ZCCHC14: variants seen among roughly 807,000 people sequenced by gnomAD.
ZCCHC14 encodes zinc finger CCHC-type containing 14, also known as zinc finger CCHC domain-containing protein 14.
A neutral mutation model predicts 85.0 loss-of-function variants in ZCCHC14; 16 were observed. That is an observed-to-expected ratio of 0.19 (90% CI 0.13 to 0.29). The LOEUF is 0.29. Among genes scored for constraint, ZCCHC14 ranks in the 10% least tolerant of loss-of-function variants. The pLI is 1.00. For missense variants in ZCCHC14, 1,303 were observed against 1,443.5 expected (o/e 0.90, Z 1.58); for synonymous variants, 775 against 630.7 (o/e 1.23, Z -3.43).
chr16:87,483,699 T>C (rs950227378), intron 1 of ZCCHC14, among the ~76,000 whole-genome samples: 1 of 152,116 alleles, frequency 6.6e-6, no homozygotes, highest in African/African-American at 2.4e-5. Context: ...GCTGGGCTCG[T>C]TAAAGGTTAG....
At chr16:87,481,966 G>A (rs1597454557) in intron 1 of ZCCHC14, among the ~76,000 whole-genome samples, 1 of 152,188 alleles carries the variant, frequency 6.6e-6, no homozygotes, top group Non-Finnish European at 1.5e-5. Context: ...AGGGGAAAGG[G>A]CGAGAGAGCC....
rs1336135556 is a variant in ZCCHC14 at position 87,491,582 on chromosome 16, G to A, written c.570+87C>T. The A allele has an allele frequency of 8.1e-7, 1 of 1,237,648 alleles. No homozygotes were observed. The highest frequency in any genetic ancestry group is 1.0e-6 in the Non-Finnish European group (1 of 963,644). 76.7% of individuals were successfully genotyped at this position (1,237,648 alleles called of 1,614,324 possible). ...AGTGCAGGCTGGAGGCGTGGGTCGGGGGGTCGCGGTGCAGGCTGGAGGCTT... is the reference window on the plus strand; with the variant it reads ...AGTGCAGGCTGGAGGCGTGGGTCGGAGGGTCGCGGTGCAGGCTGGAGGCTT... On this transcript the variant is annotated intron_variant, in intron 1 of 12. Coordinates refer to ENST00000671377, the MANE Select transcript of ZCCHC14 (RefSeq NM_015144.3). The surrounding 1 kb of genome is among the most constrained non-coding windows in gnomAD (Gnocchi z 5.9).
rs560758079 is a variant in ZCCHC14, at chr16:87,420,979, T to C, written c.841-263A>G. On this transcript the variant is annotated intron_variant, in intron 4 of 12. Coordinates refer to ENST00000671377, the MANE Select transcript of ZCCHC14 (RefSeq NM_015144.3). This position sits in a 1 kb window ranked among gnomAD's most constrained non-coding sequence, Gnocchi z 5.0. ...AATGTTCCTTGAGCCCATCTGAGAG[T>C]TGCTGGGCCACTAAGTCAACTTAAT... Among the ~76,000 whole-genome samples the C allele has an allele frequency of 2.0e-5, 3 of 152,266 alleles. No individual in the cohort carries two copies. Among genetic ancestry groups the C allele is most frequent in the Non-Finnish European group, 4.4e-5 (3 of 68,008 alleles).
chr16:87,406,825 G>T lies in ZCCHC14; in HGVS notation c.*3455C>A, dbSNP rs1457340037. 4 of 152,186 alleles carry T rather than the reference G, an allele frequency of 2.6e-5. No homozygotes were observed. Among genetic ancestry groups the T allele is most frequent in the African/African-American group, 9.7e-5 (4 of 41,424 alleles). 9.4% of individuals were successfully genotyped at this position (152,186 alleles called of 1,614,324 possible). A position where few individuals can be genotyped will look rare whatever the true frequency, so the allele number is the denominator to read the frequency against. On this transcript the variant is annotated 3_prime_UTR_variant, in exon 13 of 13. Transcript: ENST00000671377. ...ACAAATTCGCCTCTTCAGAACCCAT[G>T]GCTTTCAGTGCCACCTGACTCATTC...
chr16:87,458,964 T>C (rs1010147915), intron 2 of ZCCHC14, among the ~76,000 whole-genome samples: 2 of 152,114 alleles, frequency 1.3e-5, no homozygotes, highest in South Asian at 4.1e-4. Context: ...TTACCGGGTA[T>C]GCATTATCTG....
intron 1 of ZCCHC14, among the ~76,000 whole-genome samples, chr16:87,476,716 A>G (rs1912019465): frequency 8.5e-6 from 1 of 116,962 alleles, no homozygotes; most frequent in African/African-American, 3.3e-5. Flanking sequence ...AGAGGGAGAA[A>G]GAGTTTTTAA....
chr16:87,430,729 C>T (rs1909613007), intron 3 of ZCCHC14, among the ~76,000 whole-genome samples: 1 of 149,026 alleles, frequency 6.7e-6, no homozygotes, highest in Non-Finnish European at 1.5e-5. Flanking sequence ...ACCATGTTGG[C>T]TAGGCTGGTC....
At chr16:87,452,548 A>T (rs1466652498) in intron 2 of ZCCHC14, among the ~76,000 whole-genome samples, 2 of 150,698 alleles carry the variant, frequency 1.3e-5, no homozygotes, top group Non-Finnish European at 2.9e-5. Context: ...GAGGGACACA[A>T]GAAGAGGGAA....
At chr16:87,490,009 G>A (rs1338018072) in intron 1 of ZCCHC14, among the ~76,000 whole-genome samples, 1 of 152,196 alleles carries the variant, frequency 6.6e-6, no homozygotes, top group Non-Finnish European at 1.5e-5. Context: ...TTGCTGGCAT[G>A]TCAAGGCTTA....
At chr16:87,425,685 C>CCTAAAA (rs1909334987) in intron 3 of ZCCHC14, among the ~76,000 whole-genome samples, 1 of 152,204 alleles carries the variant, frequency 6.6e-6, no homozygotes, top group Admixed American at 6.5e-5. Context: ...GGGAGAGGTT[C>CCTAAAA]CTAAGCTGCT....
chr16:87,419,682 C>T (rs1475558112), intron 6 of ZCCHC14, 101 bp downstream of exon 6: 4 of 986,458 alleles, frequency 4.1e-6, no homozygotes, highest in African/African-American at 3.4e-5. Context: ...GTGATCCGCC[C>T]GCCTCAGCCT....
chr16:87,414,684 G>T, intron 9 of ZCCHC14, 143 bp from the exon 10 acceptor site: 2 of 1,189,674 alleles, frequency 1.7e-6, no homozygotes, highest in Non-Finnish European at 2.3e-6. Flanking sequence ...ACACCACAGG[G>T]AAATTCCCCC....
At chr16:87,471,595 C>CGGG (rs1567539868) in intron 1 of ZCCHC14, 1 of 152,322 alleles carries the variant, frequency 6.6e-6, no homozygotes, top group East Asian at 1.9e-4. Flanking sequence ...TGCCCACCCG[C>CGGG]GGGGGCTTCC....
In ZCCHC14 at chr16:87,491,756, C is replaced by T. The variant is rs1207723091; in HGVS notation, c.483G>A (p.Gln161=). ...GGCCCCCGCCGCCGTTCAGGCTGCT[C>T]TGGATCTGCGTGAGCTCCTGGCGCA... ...QVLRQELTQI[Q]SSLNGGGGHG... Residue 161 remains glutamine (Q), a synonymous_variant, in exon 1 of 13, where the codon CAG becomes CAA. Transcript: ENST00000671377. The surrounding 1 kb of genome is among the most constrained non-coding windows in gnomAD (Gnocchi z 5.9). The T allele has an allele frequency of 1.3e-6, 2 of 1,585,510 alleles. No individual in the cohort carries two copies. The highest frequency in any genetic ancestry group is 1.4e-5 in the African/African-American group (1 of 71,768).
At chr16:87,472,528 G>C (rs1489386457) in intron 1 of ZCCHC14, 1 of 152,444 alleles carries the variant, frequency 6.6e-6, no homozygotes, top group Non-Finnish European at 1.5e-5. Context: ...GGGTCGGGGA[G>C]AAACCAATCA....
At chr16:87,464,442 T>C (rs1251925067) in intron 1 of ZCCHC14, among the ~76,000 whole-genome samples, 1 of 152,068 alleles carries the variant, frequency 6.6e-6, no homozygotes, top group Non-Finnish European at 1.5e-5. Flanking sequence ...CATCATCCGG[T>C]CCAATCCCGG....
At chr16:87,433,297 T>G in intron 2 of ZCCHC14, 96 bp from the exon 3 acceptor site, 1 of 1,179,712 alleles carries the variant, frequency 8.5e-7, no homozygotes, top group Non-Finnish European at 1.2e-6. Flanking sequence ...CAAAACCAGG[T>G]TCTCAGCACC....
intron 7 of ZCCHC14, among the ~76,000 whole-genome samples, chr16:87,418,465 A>T (rs577828140): frequency 6.6e-6 from 1 of 152,288 alleles, no homozygotes; most frequent in South Asian, 2.1e-4. Context: ...GTCAGCAAAG[A>T]TGGGAGCCTC....
At chr16:87,461,059 T>C (rs1193845848) in intron 1 of ZCCHC14, among the ~76,000 whole-genome samples, 2 of 152,214 alleles carry the variant, frequency 1.3e-5, no homozygotes, top group African/African-American at 4.8e-5. Flanking sequence ...TCAGTCCCCA[T>C]CGACAGAGAC....
Sources: gnomAD v4.1 joint callset for allele counts (sites outside exome capture counted in the v4.1 genomes callset) on GRCh38, gnomAD v4.1.1 for gene constraint, Gnocchi (gnomAD v3.1) non-coding constraint, MANE v1.5 for transcripts, NCBI Gene and HGNC (gene_info 2026-07-23, HGNC 2026-07-21) for gene names.